The following FRMPD2 variants were observed in gnomAD, a reference collection of about 807,000 sequenced individuals.
FRMPD2 encodes the protein FERM and PDZ domain-containing protein 2.
A neutral mutation model predicts 140.1 loss-of-function variants in FRMPD2; 96 were observed. The ratio of observed to expected loss-of-function variants is 0.69; its 90% confidence interval spans 0.58 to 0.81. The LOEUF (loss-of-function observed/expected upper bound fraction) is 0.81, where lower values mean the gene tolerates loss of function less well. Ranked by LOEUF, FRMPD2 falls within the 40% of genes least tolerant of loss-of-function variation. The pLI is 0.00. For synonymous variants in FRMPD2, 449 were observed against 547.6 expected, an observed-to-expected ratio of 0.82 and a Z score of 2.52; for missense variants, 1,240 against 1,447.4, an observed-to-expected ratio of 0.86 and a Z score of 2.32.
At chr10:48,184,923 T>C (rs756778920) in intron 18 of FRMPD2, 42 bp from the exon 19 acceptor site, 20 of 1,474,126 alleles carry the variant, frequency 1.4e-5, no homozygotes, top group South Asian at 8.3e-5. Context: ...TGATACTTAG[T>C]GATTTTGCTG....
At position 48,274,686 on chromosome 10, in the gene FRMPD2, C is replaced by T. The variant is rs977049611; in HGVS notation, c.-119G>A. 5.6e-6 allele frequency: 5 copies of T among 893,388 alleles called. No homozygotes were observed. Among genetic ancestry groups the T allele is most frequent in the Non-Finnish European group, 5.5e-6 (3 of 549,048 alleles). 55.3% of individuals were successfully genotyped at this position (893,388 alleles called of 1,614,324 possible). ...CTGCCACCAGCACTGTTGCCGCTGT[C>T]TTTGTTTACTGCTTGTCACTAAGCA... is the stretch of plus-strand genomic sequence containing the variant. On this transcript the variant is annotated 5_prime_UTR_variant, in exon 1 of 29. Coordinates refer to ENST00000374201, the MANE Select transcript of FRMPD2 (RefSeq NM_001018071.4).
intron 1 of FRMPD2, among the ~76,000 whole-genome samples, chr10:48,268,695 A>T (rs1177466668): frequency 6.6e-6 from 1 of 152,244 alleles, no homozygotes; most frequent in African/African-American, 2.4e-5. Flanking sequence ...TAGTAGAAGC[A>T]GGGTGGTAGG....
chr10:48,242,769 C>T (rs1449980625), intron 4 of FRMPD2, among the ~76,000 whole-genome samples: 1 of 152,228 alleles, frequency 6.6e-6, no homozygotes, highest in Non-Finnish European at 1.5e-5. Flanking sequence ...GGCCTTTCCC[C>T]TGGAATGTGA....
Position 48,223,279 on chromosome 10 carries a change from G to T in FRMPD2, c.1169-9C>A. 1 of 1,609,596 alleles carries T rather than the reference G, an allele frequency of 6.2e-7. No individual in the cohort carries two copies. Among genetic ancestry groups the T allele is most frequent in the Non-Finnish European group, 8.5e-7 (1 of 1,177,686 alleles). ...GAAAAAGAACTCTTTGCCTGAAATGGAAATAGAGCATGTGTGGAAGGAGAA... is the reference window on the plus strand; with the variant it reads ...GAAAAAGAACTCTTTGCCTGAAATGTAAATAGAGCATGTGTGGAAGGAGAA... On this transcript the variant is annotated splice_polypyrimidine_tract_variant and intron_variant, in intron 10 of 28. Coordinates refer to ENST00000374201, the MANE Select transcript of FRMPD2 (RefSeq NM_001018071.4).
chr10:48,203,089 C>T (rs1332701308), intron 14 of FRMPD2, among the ~76,000 whole-genome samples: 2 of 152,134 alleles, frequency 1.3e-5, no homozygotes, highest in Non-Finnish European at 2.9e-5. Flanking sequence ...AGCCACTGTG[C>T]CTTGCAAGAA....
intron 13 of FRMPD2, 83 bp downstream of exon 13, chr10:48,211,871 G>T (rs1473332860): frequency 3.6e-6 from 5 of 1,370,526 alleles, no homozygotes; most frequent in Non-Finnish European, 5.0e-6. Context: ...ACACACCTGG[G>T]CCCCTTGAGA....
At chr10:48,230,536 G>T (rs561996225) in intron 10 of FRMPD2, among the ~76,000 whole-genome samples, 1 of 152,294 alleles carries the variant, frequency 6.6e-6, no homozygotes, top group South Asian at 2.1e-4. Flanking sequence ...TATTCTTGAT[G>T]CACTTATGCA....
chr10:48,180,160 A>C (rs1375345480), intron 21 of FRMPD2, among the ~76,000 whole-genome samples: 6 of 152,108 alleles, frequency 3.9e-5, no homozygotes. Flanking sequence ...GCTCCTGCTG[A>C]GGCTTCGACT....
rs1839650076 is a variant in FRMPD2, at chr10:48,223,223, C to G, written c.1216G>C (p.Ala406Pro). Reference sequence around the variant, plus strand: ...GGCTGCTCTCTCCAGCCTTCAGGAGCTATTTTGCACAATCTGGTTTCACTG... The same window carrying G: ...GGCTGCTCTCTCCAGCCTTCAGGAGGTATTTTGCACAATCTGGTTTCACTG... Reference protein sequence around the residue: ...LDSETRLCKIAPEGWREQPQK... With the variant: ...LDSETRLCKIPPEGWREQPQK... Residue 406 changes from alanine (A) to proline (P), a missense_variant, in exon 11 of 29, where the codon GCT (alanine) becomes CCT (proline). Ala to Pro is a conservative substitution (Grantham distance 27, BLOSUM62 -1). This residue lies in a region of FRMPD2 where 1,161 missense variants were observed against 1,055.9 expected (regional missense o/e 1.10). Transcript: ENST00000374201. 6.2e-7 allele frequency: 1 copy of G among 1,613,970 alleles called. No homozygotes were observed. Among genetic ancestry groups the G allele is most frequent in the Non-Finnish European group, 8.5e-7 (1 of 1,179,896 alleles).
At chr10:48,197,252 C>G (rs1838976160) in intron 15 of FRMPD2, among the ~76,000 whole-genome samples, 1 of 152,286 alleles carries the variant, frequency 6.6e-6, no homozygotes, top group South Asian at 2.1e-4. Flanking sequence ...TTGGCTGGCA[C>G]TGAACAAAAC....
In FRMPD2 at chr10:48,163,556, C is replaced by T. The variant is rs1838007516; in HGVS notation, c.3653G>A (p.Gly1218Glu). Residue 1218 changes from glycine to glutamate, a missense_variant, in exon 28 of 29, where the codon GGG becomes GAG. Gly to Glu is a moderately conservative substitution (Grantham distance 98). Around this residue, in one of 6 missense-constraint regions of FRMPD2, gnomAD observed 30 missense variants for 227.5 expected, o/e 0.13. Coordinates refer to ENST00000374201, the MANE Select transcript of FRMPD2 (RefSeq NM_001018071.4). ...CTCTGGCCTGAGACCCAGGCCTTCCCCTGCATCTGGGGAGGCACTGTCCCT... is the reference window on the plus strand; with the variant it reads ...CTCTGGCCTGAGACCCAGGCCTTCCTCTGCATCTGGGGAGGCACTGTCCCT... ...SWRDSASPDA[G>E]EGLGLRPESS... The T allele has an allele frequency of 8.3e-7, 1 of 1,203,462 alleles. No individual in the cohort carries two copies. The highest frequency in any genetic ancestry group is 1.2e-6 in the Non-Finnish European group (1 of 812,074). The allele number at this position is 1,203,462 out of a possible 1,614,324, so 74.5% of individuals were successfully genotyped here.
In FRMPD2 at chr10:48,264,845, C is replaced by T. The variant is rs940732635; in HGVS notation, c.25+9698G>A. Among the ~76,000 whole-genome samples the T allele has an allele frequency of 5.9e-5, 9 of 152,074 alleles. 1 individual carries two copies. Among genetic ancestry groups the T allele is most frequent in the East Asian group, 1.9e-4 (1 of 5,170 alleles). The stretch of plus-strand genomic sequence containing the variant: ...CCTAGAACAGACAACACAATACTGA[C>T]GAAGAGAAACAAAGTTGTAGGACTG... On this transcript the variant is annotated intron_variant, in intron 1 of 28. Coordinates refer to ENST00000374201, the MANE Select transcript of FRMPD2 (RefSeq NM_001018071.4).
intron 5 of FRMPD2, among the ~76,000 whole-genome samples, chr10:48,241,712 A>G (rs1435701713): frequency 2.0e-5 from 3 of 152,204 alleles, no homozygotes; most frequent in Admixed American, 2.0e-4. Context: ...TGTGACAAGC[A>G]CAACAAAGGA....
chr10:48,202,379 T>C (rs1839106928), intron 14 of FRMPD2, among the ~76,000 whole-genome samples: 1 of 152,202 alleles, frequency 6.6e-6, no homozygotes, highest in South Asian at 2.1e-4. Flanking sequence ...AGAAACTCCA[T>C]TCACGCATGT....
At chr10:48,267,362 A>G (rs1471796935) in intron 1 of FRMPD2, among the ~76,000 whole-genome samples, 1 of 152,234 alleles carries the variant, frequency 6.6e-6, no homozygotes, top group Non-Finnish European at 1.5e-5. Context: ...GAAAAATACA[A>G]TAACCAACAT....
At chr10:48,205,274 T>C (rs1251395193) in intron 14 of FRMPD2, among the ~76,000 whole-genome samples, 1 of 152,244 alleles carries the variant, frequency 6.6e-6, no homozygotes, top group Non-Finnish European at 1.5e-5. Flanking sequence ...TTTGAGCTAC[T>C]AAGTTTGTCT....
At chr10:48,213,504 T>C (rs1839377633) in intron 12 of FRMPD2, among the ~76,000 whole-genome samples, 1 of 152,222 alleles carries the variant, frequency 6.6e-6, no homozygotes, top group Admixed American at 6.5e-5. Flanking sequence ...TGAGAACTTA[T>C]GTCCACACAA....
chr10:48,233,715 C>T (rs914034117), intron 9 of FRMPD2, among the ~76,000 whole-genome samples: 6 of 152,120 alleles, frequency 3.9e-5, no homozygotes, highest in African/African-American at 1.4e-4. Flanking sequence ...TCCCCTCCTC[C>T]TTGGAGGGTT....
chr10:48,172,399 A>T (rs1838281453), intron 25 of FRMPD2, among the ~76,000 whole-genome samples: 1 of 151,754 alleles, frequency 6.6e-6, no homozygotes, highest in African/African-American at 2.4e-5. Flanking sequence ...TTACTGAGGA[A>T]ATCAGCGTGT....
Sources: allele counts gnomAD v4.1 joint callset (sites outside exome capture counted in the v4.1 genomes callset), GRCh38; gene constraint gnomAD v4.1.1; regional missense constraint gnomAD v4.1.1; transcripts MANE v1.5; gene names NCBI Gene and HGNC (gene_info 2026-07-23, HGNC 2026-07-21).